CDH13: variants seen among roughly 807,000 people sequenced by gnomAD.
CDH13 encodes the protein cadherin 13.
In CDH13, 24 loss-of-function variants were observed where a neutral mutation model predicts 63.8. That is an observed-to-expected ratio of 0.38 (90% confidence interval 0.27 to 0.53). The LOEUF (loss-of-function observed/expected upper bound fraction) is 0.53. Ranked by LOEUF, CDH13 falls within the 20% of genes least tolerant of loss-of-function variation. The pLI is 0.85. For missense variants in CDH13, 1,049 were observed against 903.1 expected (o/e 1.16, Z -2.07); for synonymous variants, 503 against 355.3 (o/e 1.42, Z -4.67).
intron 2 of CDH13, among the ~76,000 whole-genome samples, chr16:83,026,310 G>C (rs1008613162): frequency 6.6e-6 from 1 of 152,216 alleles, no homozygotes; most frequent in Non-Finnish European, 1.5e-5. Flanking sequence ...GAGGCAGAAT[G>C]AACAGATCAG....
At chr16:83,279,388 G>A (rs962930819) in intron 5 of CDH13, among the ~76,000 whole-genome samples, 4 of 152,258 alleles carry the variant, frequency 2.6e-5, no homozygotes, top group East Asian at 1.9e-4. Flanking sequence ...CTGGATGCAC[G>A]CACAAAGTAA....
In CDH13 at chr16:82,972,525, T is replaced by G. The variant is rs148762050; in HGVS notation, c.158-59485T>G. The stretch of plus-strand genomic sequence containing the variant: ...AGCCTTGGGACCTGGGGAGGTTATT[T>G]CAGCTGTGAGTACCTCACTTCCCTC... On this transcript the variant is annotated intron_variant, in intron 2 of 13. Transcript: ENST00000567109. Among the ~76,000 whole-genome samples the G allele has an allele frequency of 3.9e-3, 597 of 152,328 alleles. 9 individuals carry two copies. Among genetic ancestry groups the G allele is most frequent in the African/African-American group, 0.014 (572 of 41,570 alleles).
intron 12 of CDH13, among the ~76,000 whole-genome samples, chr16:83,781,774 G>A (rs1915540133): frequency 1.3e-5 from 2 of 151,176 alleles, no homozygotes; most frequent in Non-Finnish European, 2.9e-5. Context: ...CTTTTTTGGG[G>A]GCGTGCAGAG....
intron 7 of CDH13, among the ~76,000 whole-genome samples, chr16:83,526,220 G>A (rs752312767): frequency 6.6e-5 from 10 of 152,132 alleles, no homozygotes; most frequent in Admixed American, 3.9e-4. Context: ...TTGTGGGGGC[G>A]GTGGTGGTTA....
intron 9 of CDH13, among the ~76,000 whole-genome samples, chr16:83,675,740 A>G (rs1374623975): frequency 1.3e-5 from 2 of 152,226 alleles, no homozygotes; most frequent in Non-Finnish European, 2.9e-5. Context: ...CATCAGGGCC[A>G]GGACTTGACT....
rs369080659 is a variant in CDH13 at position 83,026,210 on chromosome 16, A to T, written c.158-5800A>T. On this transcript the variant is annotated intron_variant, in intron 2 of 13. Coordinates refer to ENST00000567109, the MANE Select transcript of CDH13 (RefSeq NM_001257.5). ...TGATGATCCCAAAGGGGTTTGTGAG[A>T]TGCCCAAGGGGGCCATGTTGGGGCA... Among the ~76,000 whole-genome samples the T allele has an allele frequency of 3.2e-3, 494 of 152,338 alleles. 4 individuals carry two copies. Among genetic ancestry groups the T allele is most frequent in the South Asian group, 0.019 (92 of 4,826 alleles).
At chr16:83,198,899 G>T (rs1567499718) in intron 4 of CDH13, among the ~76,000 whole-genome samples, 1 of 152,180 alleles carries the variant, frequency 6.6e-6, no homozygotes, top group Non-Finnish European at 1.5e-5. Flanking sequence ...AGACAGAATT[G>T]TGAAAGTTGT....
intron 8 of CDH13, among the ~76,000 whole-genome samples, chr16:83,613,804 G>A (rs182513565): frequency 2.0e-5 from 3 of 151,978 alleles, no homozygotes; most frequent in African/African-American, 7.3e-5. Context: ...CCGCACTCCA[G>A]CCTCCATGAC....
At chr16:83,778,534 AAAAAG>A (rs1915279555) in intron 11 of CDH13, among the ~76,000 whole-genome samples, 1 of 152,198 alleles carries the variant, frequency 6.6e-6, no homozygotes, top group Non-Finnish European at 1.5e-5. Context: ...ACCAAAAAAA[AAAAAG>A]AAAGAAAGAC....
At chr16:83,148,363 T>A (rs561087402) in intron 4 of CDH13, among the ~76,000 whole-genome samples, 1 of 151,678 alleles carries the variant, frequency 6.6e-6, no homozygotes, top group Non-Finnish European at 1.5e-5. Flanking sequence ...GTAGACAACA[T>A]GGGTGGTGCC....
intron 2 of CDH13, among the ~76,000 whole-genome samples, chr16:83,029,410 T>C (rs1423478593): frequency 6.6e-6 from 1 of 152,180 alleles, no homozygotes; most frequent in Non-Finnish European, 1.5e-5. Flanking sequence ...ATAGTCCAGA[T>C]ACCAGTCGAG....
At chr16:83,238,339 T>A (rs1363270698) in intron 5 of CDH13, among the ~76,000 whole-genome samples, 1 of 152,194 alleles carries the variant, frequency 6.6e-6, no homozygotes, top group Non-Finnish European at 1.5e-5. Context: ...CAAGAGAGCG[T>A]GTGCAGGGGA....
At chr16:83,427,923 G>C (rs2071963222) in intron 6 of CDH13, among the ~76,000 whole-genome samples, 1 of 152,252 alleles carries the variant, frequency 6.6e-6, no homozygotes, top group Non-Finnish European at 1.5e-5. Context: ...ACTGCTGACA[G>C]CTTTGGCTGC....
chr16:83,202,496 A>G (rs2039060741), intron 4 of CDH13, among the ~76,000 whole-genome samples: 1 of 152,174 alleles, frequency 6.6e-6, no homozygotes, highest in Non-Finnish European at 1.5e-5. Context: ...GAAACCTCAA[A>G]GCTGTCTACA....
At chr16:83,466,634 A>G (rs2073324187) in intron 6 of CDH13, among the ~76,000 whole-genome samples, 1 of 152,242 alleles carries the variant, frequency 6.6e-6, no homozygotes, top group African/African-American at 2.4e-5. Flanking sequence ...GTCCCATGGA[A>G]TGAAACGGAG....
At chr16:83,350,410 C>T (rs2090928579) in intron 6 of CDH13, among the ~76,000 whole-genome samples, 1 of 152,224 alleles carries the variant, frequency 6.6e-6, no homozygotes, top group Non-Finnish European at 1.5e-5. Context: ...GTTCTGTGTC[C>T]TGAAAGATGC....
chr16:82,635,588 C>A (rs1908556486), intron 1 of CDH13, among the ~76,000 whole-genome samples: 1 of 152,172 alleles, frequency 6.6e-6, no homozygotes, highest in African/African-American at 2.4e-5. Context: ...GATTTGCATT[C>A]TGGCTACAAG....
chr16:82,864,316 G>C (rs191177546), intron 2 of CDH13, among the ~76,000 whole-genome samples: 106 of 152,294 alleles, frequency 7.0e-4, no homozygotes, highest in African/African-American at 2.5e-3. Context: ...TCATATGCAT[G>C]TTAGGAGGTG....
At chr16:82,773,011 C>G (rs954531237) in intron 1 of CDH13, among the ~76,000 whole-genome samples, 1 of 152,104 alleles carries the variant, frequency 6.6e-6, no homozygotes, top group Non-Finnish European at 1.5e-5. Context: ...CGCACGAGAG[C>G]CCAGAATCAG....
Sources: allele counts gnomAD v4.1 joint callset (sites outside exome capture counted in the v4.1 genomes callset), GRCh38; gene constraint gnomAD v4.1.1; transcripts MANE v1.5; gene names NCBI Gene and HGNC (gene_info 2026-07-23, HGNC 2026-07-21).